KANK1: variants seen among roughly 807,000 people sequenced by gnomAD.
KANK1 encodes KN motif and ankyrin repeat domains 1, also known as KN motif and ankyrin repeat domain-containing protein 1.
A neutral mutation model predicts 106.2 loss-of-function variants in KANK1; 109 were observed. The observed-to-expected ratio is 1.03, with a 90% CI of 0.88 to 1.20. The LOEUF (loss-of-function observed/expected upper bound fraction) is 1.20, where lower values mean the gene tolerates loss of function less well. KANK1 is among the 50% of genes most tolerant of loss of function. The pLI is 0.00. For synonymous variants in KANK1, 873 were observed against 652.2 expected, an observed-to-expected ratio of 1.34 and a Z score of -5.16; for missense variants, 2,399 against 1,710.7, an observed-to-expected ratio of 1.40 and a Z score of -7.10.
chr9:696,918 C>T (rs1047342715), intron 2 of KANK1, among the ~76,000 whole-genome samples: 3 of 152,068 alleles, frequency 2.0e-5, no homozygotes, highest in Non-Finnish European at 2.9e-5. Flanking sequence ...TGACTGCACT[C>T]GTGCACCCTA....
intron 1 of KANK1, among the ~76,000 whole-genome samples, chr9:619,641 C>T (rs1216500379): frequency 2.6e-5 from 4 of 152,110 alleles, no homozygotes; most frequent in African/African-American, 9.7e-5. Context: ...TTACCTTTGA[C>T]TTGTGGGTGC....
chr9:673,044 C>G (rs995121241), intron 1 of KANK1, among the ~76,000 whole-genome samples: 1 of 152,020 alleles, frequency 6.6e-6, no homozygotes, highest in Non-Finnish European at 1.5e-5. Flanking sequence ...ATACAATGCA[C>G]CGACATAAGA....
chr9:696,352 G>A (rs902320806), intron 2 of KANK1, among the ~76,000 whole-genome samples: 15 of 152,062 alleles, frequency 9.9e-5, no homozygotes, highest in African/African-American at 3.4e-4. Context: ...AGAAACACAG[G>A]CATGTGCTTG....
At chr9:599,839 C>A (rs915354136) in intron 1 of KANK1, among the ~76,000 whole-genome samples, 1 of 151,780 alleles carries the variant, frequency 6.6e-6, no homozygotes, top group Admixed American at 6.5e-5. Flanking sequence ...AGTCATGGAA[C>A]CAGTCCTCCT....
intron 2 of KANK1, chr9:681,184 A>T (rs1188691243): frequency 1.3e-5 from 2 of 152,332 alleles, no homozygotes; most frequent in African/African-American, 4.8e-5. Context: ...GTACCACTGC[A>T]CTCCAGCCTG....
At chr9:501,511 C>A (rs994293926), upstream of KANK1, among the ~76,000 whole-genome samples, 8 of 152,044 alleles carry the variant, frequency 5.3e-5, no homozygotes, top group East Asian at 1.3e-3. Flanking sequence ...AAAAATAATT[C>A]TTTTCTTTCA....
chr9:710,958 G>T lies in KANK1; in HGVS notation c.192G>T (p.Gln64His), dbSNP rs751452404. The T allele has an allele frequency of 6.2e-7, 1 of 1,614,048 alleles. No homozygotes were observed. Among genetic ancestry groups the T allele is most frequent in the Non-Finnish European group, 8.5e-7 (1 of 1,180,052 alleles). ...KGNTIKRLNIQKRRKPSVPCP... is the reference protein window; with the variant it reads ...KGNTIKRLNIHKRRKPSVPCP... ...ATACCATCAAAAGACTGAACATCCA[G>T]AAGAGGCGGAAGCCGTCCGTGCCAT... The change falls in exon 3 of 12, where the codon CAG becomes CAT. Residue 64 changes from glutamine (Q) to histidine (H), a missense_variant. Gln to His is a conservative substitution (Grantham distance 24, BLOSUM62 0). Transcript: ENST00000382297.
intron 1 of KANK1, among the ~76,000 whole-genome samples, chr9:579,379 C>T (rs997761918): frequency 2.0e-5 from 3 of 152,186 alleles, no homozygotes; most frequent in Non-Finnish European, 4.4e-5. Context: ...AATCCAGGAT[C>T]TTCAGAGAAA....
intron 1 of KANK1, among the ~76,000 whole-genome samples, chr9:671,004 C>T (rs1588762047): frequency 7.2e-6 from 1 of 139,406 alleles, no homozygotes; most frequent in East Asian, 2.4e-4. Flanking sequence ...CAGGAACTGA[C>T]CGATTCTCTT....
chr9:594,420 T>C (rs1392456279), intron 1 of KANK1, among the ~76,000 whole-genome samples: 1 of 151,824 alleles, frequency 6.6e-6, no homozygotes, highest in Non-Finnish European at 1.5e-5. Context: ...TAGGGACAAA[T>C]CATATACCAG....
intron 2 of KANK1, among the ~76,000 whole-genome samples, chr9:701,990 A>G (rs940713916): frequency 5.3e-5 from 8 of 152,206 alleles, no homozygotes; most frequent in African/African-American, 1.9e-4. Flanking sequence ...GGCCCCTCTC[A>G]CAGAGCACTA....
chr9:508,121 CTTTTTTTTTTTTTTTTTTTTTT>C (rs71314711), intron 1 of KANK1, among the ~76,000 whole-genome samples: 3 of 39,158 alleles, frequency 7.7e-5, no homozygotes, highest in Admixed American at 9.5e-4. Flanking sequence ...CCTGCTCAGC[CTTTTTTTTTTTTTTTTTTTTTT>C]TTTTTTTTTT....
chr9:505,223 G>T (rs1054864422), intron 1 of KANK1, among the ~76,000 whole-genome samples: 1 of 152,182 alleles, frequency 6.6e-6, no homozygotes, highest in Non-Finnish European at 1.5e-5. Flanking sequence ...CGTGGAGTTG[G>T]ATGTTGCCCT....
At chr9:566,644 C>T (rs1223464453) in intron 1 of KANK1, among the ~76,000 whole-genome samples, 4 of 152,050 alleles carry the variant, frequency 2.6e-5, no homozygotes, top group East Asian at 3.9e-4. Context: ...ACTTGTTGGC[C>T]GCATGTGTGT....
At chr9:481,219 G>A (rs1158523294) in intron 3 of KANK1, among the ~76,000 whole-genome samples, 1 of 152,056 alleles carries the variant, frequency 6.6e-6, no homozygotes, top group Non-Finnish European at 1.5e-5. Flanking sequence ...TGGCTTTCAC[G>A]CTATCATAAA....
chr9:532,775 A>G (rs2060123622), intron 1 of KANK1, among the ~76,000 whole-genome samples: 1 of 152,256 alleles, frequency 6.6e-6, no homozygotes, highest in Middle Eastern at 3.4e-3. Flanking sequence ...TTTATTATGT[A>G]GAAGTGCATT....
chr9:712,234 C>A lies in KANK1; in HGVS notation c.1468C>A (p.Gln490Lys). Reference protein sequence around the residue: ...THDREMTKLKQELQAAGSRKK... With the variant: ...THDREMTKLKKELQAAGSRKK... Reference sequence around the variant, plus strand: ...TGACCGGGAGATGACTAAACTGAAACAAGAGCTGCAGGCTGCTGGATCGAG... The same window carrying A: ...TGACCGGGAGATGACTAAACTGAAAAAAGAGCTGCAGGCTGCTGGATCGAG... The change falls in exon 3 of 12, where the codon CAA becomes AAA. Residue 490 changes from glutamine (Q) to lysine (K), a missense_variant. Gln to Lys is a moderately conservative substitution (Grantham distance 53). Coordinates refer to ENST00000382297, the MANE Select transcript of KANK1 (RefSeq NM_015158.5). The A allele has an allele frequency of 6.2e-7, 1 of 1,614,120 alleles. No homozygotes were observed. The highest frequency in any genetic ancestry group is 8.5e-7 in the Non-Finnish European group (1 of 1,180,004).
chr9:470,534 A>G (rs1474124251), intron 1 of KANK1: 1 of 152,396 alleles, frequency 6.6e-6, no homozygotes, highest in Non-Finnish European at 1.5e-5. Context: ...CGTGCAGCTC[A>G]ATGTATGTTT....
intron 8 of KANK1, 77 bp downstream of exon 8, chr9:738,581 C>G: frequency 8.7e-7 from 1 of 1,151,638 alleles, no homozygotes; most frequent in Non-Finnish European, 1.3e-6. Context: ...CCTGGTTGAG[C>G]CACTCCTGAA....
Sources: allele counts gnomAD v4.1 joint callset (sites outside exome capture counted in the v4.1 genomes callset), GRCh38; gene constraint gnomAD v4.1.1; transcripts MANE v1.5; gene names NCBI Gene and HGNC (gene_info 2026-07-23, HGNC 2026-07-21).